The following MED15 variants were observed in gnomAD, a reference collection of about 807,000 sequenced individuals.
The protein encoded by MED15 is mediator of RNA polymerase II transcription subunit 15.
In MED15, 41 loss-of-function variants were observed where a neutral mutation model predicts 118.7. That is an observed-to-expected ratio of 0.35 (90% confidence interval 0.27 to 0.45). The LOEUF (loss-of-function observed/expected upper bound fraction) is 0.45, where lower values mean the gene tolerates loss of function less well. Among genes scored for constraint, MED15 ranks in the 20% least tolerant of loss-of-function variants. MED15 has a pLI of 1.00. For missense variants in MED15, 740 were observed against 1,025.5 expected (o/e 0.72, Z 3.80); for synonymous variants, 436 against 413.9 (o/e 1.05, Z -0.65).
At chr22:20,551,218 C>A in intron 2 of MED15, 1 of 691,980 alleles carries the variant, frequency 1.4e-6, no homozygotes, top group South Asian at 1.5e-5. Context: ...GGCTCTCTGT[C>A]CCCTTCTTGT....
intron 17 of MED15, 43 bp downstream of exon 17, chr22:20,585,869 A>C (rs2057120287): frequency 6.3e-7 from 1 of 1,587,434 alleles, no homozygotes; most frequent in African/African-American, 1.3e-5. Flanking sequence ...CAGGGCAAGC[A>C]GGGGTCATTG....
chr22:20,584,918 G>C lies in MED15; in HGVS notation c.1867G>C (p.Asp623His). The C allele has an allele frequency of 6.2e-7, 1 of 1,614,012 alleles. No individual in the cohort carries two copies. The change falls in exon 15 of 18, where the codon GAT becomes CAT. Residue 623 changes from aspartate (D) to histidine (H), a missense_variant. Coordinates refer to ENST00000263205, the MANE Select transcript of MED15 (RefSeq NM_001003891.3). ...GCAGTACCTATGCCAGCCGCTCCTG[G>C]ATGCCGTCCTGGCCAACATCCGCTC... is the stretch of plus-strand genomic sequence containing the variant. ...KQQYLCQPLL[D>H]AVLANIRSPV...
At position 20,583,295 on chromosome 22, in the gene MED15, G is replaced by A. The variant is rs2057043487; in HGVS notation, c.1673-35G>A. ...GCCTGCACCCTGGGGACACCACCAGGCTTGTGTCTTAGTGTGTACCCTCTT... is the reference window on the plus strand; with the variant it reads ...GCCTGCACCCTGGGGACACCACCAGACTTGTGTCTTAGTGTGTACCCTCTT... On this transcript the variant is annotated intron_variant, in intron 12 of 17. Coordinates refer to ENST00000263205, the MANE Select transcript of MED15 (RefSeq NM_001003891.3). 3.1e-6 allele frequency: 5 copies of A among 1,613,506 alleles called. No homozygotes were observed. In the Admixed American group the frequency reaches 5.0e-5, roughly 16 times the overall value.
intron 2 of MED15, among the ~76,000 whole-genome samples, chr22:20,544,620 C>G (rs1461884317): frequency 6.6e-6 from 1 of 152,068 alleles, no homozygotes; most frequent in African/African-American, 2.4e-5. Flanking sequence ...GAGCCGAGAT[C>G]GCGGCACTGC....
chr22:20,557,623 A>G (rs1012740967), intron 5 of MED15, among the ~76,000 whole-genome samples: 1 of 151,998 alleles, frequency 6.6e-6, no homozygotes, highest in African/African-American at 2.4e-5. Context: ...TTTTAAATGT[A>G]TGAGTTTAGA....
chr22:20,519,685 C>T (rs1201009322), intron 1 of MED15, among the ~76,000 whole-genome samples: 2 of 152,226 alleles, frequency 1.3e-5, no homozygotes, highest in South Asian at 2.1e-4. Context: ...AAACTTCTGA[C>T]CTCAGGTGAT....
rs143554264 is a variant in MED15 at position 20,521,283 on chromosome 22, G to A, written c.68+13537G>A. Among the ~76,000 whole-genome samples the A allele has an allele frequency of 5.9e-4, 90 of 151,378 alleles. No individual in the cohort carries two copies. The East Asian group carries it at 0.016, about 26-fold the overall frequency. On this transcript the variant is annotated intron_variant, in intron 1 of 17. Transcript: ENST00000263205. The stretch of plus-strand genomic sequence containing the variant: ...AGCTAATTTTTATATTTTTAGTAGA[G>A]ACTGGGTTTTGCCATGTTGGCCAGG...
At chr22:20,571,510 G>A (rs1029359318) in intron 8 of MED15, among the ~76,000 whole-genome samples, 1 of 152,236 alleles carries the variant, frequency 6.6e-6, no homozygotes, top group Non-Finnish European at 1.5e-5. Context: ...TGGGTAGGGC[G>A]TATCTATGAG....
intron 9 of MED15, among the ~76,000 whole-genome samples, chr22:20,577,407 C>T (rs1054790478): frequency 6.6e-6 from 1 of 151,206 alleles, no homozygotes; most frequent in African/African-American, 2.4e-5. Context: ...CCCCTCCCTC[C>T]CTCCCTCCCT....
At position 20,586,960 on chromosome 22, in the gene MED15, C is replaced by G; in HGVS notation, c.*256C>G. ...CTCCATGTGACTTCCTCCCAGGAGC[C>G]AGATGCGATCCTCAGGCTGCTCTCA... On this transcript the variant is annotated 3_prime_UTR_variant, in exon 18 of 18. Coordinates refer to ENST00000263205, the MANE Select transcript of MED15 (RefSeq NM_001003891.3). 1 of 559,524 alleles carries G rather than the reference C, an allele frequency of 1.8e-6. No individual in the cohort carries two copies. The highest frequency in any genetic ancestry group is 3.1e-5 in the Admixed American group (1 of 32,606). 34.7% of individuals were successfully genotyped at this position (559,524 alleles called of 1,614,324 possible).
chr22:20,551,202 G>C, intron 2 of MED15: 1 of 667,728 alleles, frequency 1.5e-6, no homozygotes, highest in Non-Finnish European at 2.8e-6. Context: ...AGGAGTGGCC[G>C]TTGGAGGCTC....
At chr22:20,538,650 C>G (rs2055172098) in intron 2 of MED15, among the ~76,000 whole-genome samples, 2 of 152,102 alleles carry the variant, frequency 1.3e-5, no homozygotes, top group South Asian at 4.1e-4. Flanking sequence ...GTAGATTTGC[C>G]TATTCGGAAT....
intron 8 of MED15, among the ~76,000 whole-genome samples, chr22:20,569,566 C>T (rs936227560): frequency 6.6e-6 from 1 of 152,180 alleles, no homozygotes. Context: ...CTTCATCTCA[C>T]GCTTGGGGGG....
At chr22:20,531,026 C>T (rs1371766828) in intron 1 of MED15, among the ~76,000 whole-genome samples, 2 of 152,178 alleles carry the variant, frequency 1.3e-5, no homozygotes, top group African/African-American at 2.4e-5. Context: ...CTATCATCCT[C>T]AGGGCTACCC....
At chr22:20,557,256 C>T (rs954499187) in intron 5 of MED15, among the ~76,000 whole-genome samples, 4 of 152,140 alleles carry the variant, frequency 2.6e-5, no homozygotes, top group African/African-American at 9.7e-5. Context: ...CACTCCTACC[C>T]TATCCTGTGT....
At chr22:20,535,083 G>C (rs913504893) in intron 1 of MED15, among the ~76,000 whole-genome samples, 2 of 152,038 alleles carry the variant, frequency 1.3e-5, no homozygotes, top group Non-Finnish European at 2.9e-5. Context: ...TCAGCCTCCC[G>C]AGTAGCTGGG....
intron 1 of MED15, 101 bp downstream of exon 1, chr22:20,507,847 A>C: frequency 6.4e-7 from 1 of 1,550,904 alleles, no homozygotes; most frequent in South Asian, 1.2e-5. Flanking sequence ...CGGCGCCGGG[A>C]GACAGAAGGC....
chr22:20,555,412 G>A (rs1186691261), intron 5 of MED15, among the ~76,000 whole-genome samples: 1 of 152,172 alleles, frequency 6.6e-6, no homozygotes. Flanking sequence ...TCCATCCAAA[G>A]GTTTGTGTTT....
In MED15 at chr22:20,566,809, C is replaced by G. The variant is rs145653138; in HGVS notation, c.1033C>G (p.Leu345Val). Residue 345 changes from leucine to valine, a missense_variant, in exon 7 of 18, where the codon CTG becomes GTG. Coordinates refer to ENST00000263205, the MANE Select transcript of MED15 (RefSeq NM_001003891.3). ...PGQMLYTQPP[L>V]KFVRAPMVVQ... is the part of the protein sequence containing the mutation. ...ACAAATGTTGTATACCCAACCACCA[C>G]TGAAATTTGTGAGTACCTGTGGCCC... 32 of 1,613,090 alleles carry G rather than the reference C, an allele frequency of 2.0e-5. No homozygotes were observed. The highest frequency in any genetic ancestry group is 1.6e-4 in the Middle Eastern group (1 of 6,080).
Sources: allele counts gnomAD v4.1 joint callset (sites outside exome capture counted in the v4.1 genomes callset), GRCh38; gene constraint gnomAD v4.1.1; transcripts MANE v1.5; gene names NCBI Gene and HGNC (gene_info 2026-07-23, HGNC 2026-07-21).